The following SORT1 variants were observed in gnomAD, a reference collection of about 807,000 sequenced individuals.
The protein encoded by SORT1 is sortilin.
A neutral mutation model predicts 101.7 loss-of-function variants in SORT1; 39 were observed. The observed-to-expected ratio is 0.38, with a 90% CI of 0.30 to 0.50. The LOEUF is 0.50. SORT1 is among the 20% of genes least tolerant of loss of function. The pLI is 0.90. For synonymous variants in SORT1, 396 were observed against 393.7 expected, an observed-to-expected ratio of 1.01 and a Z score of -0.07; for missense variants, 878 against 1,040.4, an observed-to-expected ratio of 0.84 and a Z score of 2.15.
At chr1:109,346,686 A>G (rs1649620691) in intron 7 of SORT1, among the ~76,000 whole-genome samples, 1 of 141,128 alleles carries the variant, frequency 7.1e-6, no homozygotes, top group Non-Finnish European at 1.5e-5. Context: ...CGGAGCTTGC[A>G]GTGAGCGGAG....
intron 1 of SORT1, among the ~76,000 whole-genome samples, chr1:109,393,847 A>G (rs1026318066): frequency 7.3e-5 from 11 of 151,466 alleles, no homozygotes; most frequent in Non-Finnish European, 1.6e-4. Context: ...TTACATATGC[A>G]TATATTATGT....
At chr1:109,374,294 A>G (rs544146506) in intron 1 of SORT1, among the ~76,000 whole-genome samples, 1 of 152,046 alleles carries the variant, frequency 6.6e-6, no homozygotes, top group South Asian at 2.1e-4. Context: ...AAATTTTTTA[A>G]AGACCCAGTG....
chr1:109,333,127 C>T (rs1231342364), intron 11 of SORT1, among the ~76,000 whole-genome samples: 1 of 152,088 alleles, frequency 6.6e-6, no homozygotes, highest in East Asian at 1.9e-4. Context: ...GGGATTTCAC[C>T]ATGTTGGCCA....
At chr1:109,392,793 T>G (rs528154222) in intron 1 of SORT1, 174 of 984,064 alleles carry the variant, frequency 1.8e-4, no homozygotes, top group Non-Finnish European at 2.1e-4. Context: ...TGACTATACA[T>G]TGCATGAGAG....
chr1:109,391,363 C>T (rs1252994372), intron 1 of SORT1, among the ~76,000 whole-genome samples: 1 of 152,164 alleles, frequency 6.6e-6, no homozygotes, highest in Non-Finnish European at 1.5e-5. Flanking sequence ...AATTTGGAAT[C>T]AGCCAGGAAA....
rs1000059151 is a variant in SORT1 at position 109,313,680 on chromosome 1, A to C, written c.*363T>G. The C allele has an allele frequency of 5.7e-5, 16 of 279,314 alleles. No homozygotes were observed. The highest frequency in any genetic ancestry group is 1.1e-3 in the Middle Eastern group (1 of 874). 17.3% of individuals were successfully genotyped at this position (279,314 alleles called of 1,614,324 possible). ...CTGGAGTTGGCAGATGCCCTGGGGC[A>C]GGCGCCATGCAGAACACACAGAAGT... On this transcript the variant is annotated 3_prime_UTR_variant, in exon 20 of 20. Coordinates refer to ENST00000256637, the MANE Select transcript of SORT1 (RefSeq NM_002959.7).
intron 2 of SORT1, 40 bp downstream of exon 2, chr1:109,369,490 T>C (rs1208517361): frequency 7.6e-7 from 1 of 1,312,320 alleles, no homozygotes. Context: ...GTTATCATCT[T>C]CTTGCTGGGC....
At chr1:109,338,252 G>C (rs544587976) in intron 10 of SORT1, among the ~76,000 whole-genome samples, 2 of 152,250 alleles carry the variant, frequency 1.3e-5, no homozygotes, top group South Asian at 4.2e-4. Context: ...TCTAATCTGT[G>C]CATGTGCATG....
rs1292831312 is a variant in SORT1 at position 109,376,309 on chromosome 1, C to G, written c.307-6720G>C. ...TCGCGCCACCGCATTCCAGCCTGGG[C>G]AACAGAGGGAGACTCCATCTCAAAA... On this transcript the variant is annotated intron_variant, in intron 1 of 19. Transcript: ENST00000256637. Among the ~76,000 whole-genome samples, 11 of 113,550 alleles carry G rather than the reference C, an allele frequency of 9.7e-5. No homozygotes were observed. In the East Asian group the frequency reaches 2.8e-3, roughly 29 times the overall value. 74.5% of individuals were successfully genotyped at this position (113,550 alleles called of 152,430 possible). A position where few individuals can be genotyped will look rare whatever the true frequency, so the allele number is the denominator to read the frequency against.
intron 6 of SORT1, among the ~76,000 whole-genome samples, chr1:109,349,435 T>C (rs1256905350): frequency 6.6e-6 from 1 of 152,050 alleles, no homozygotes; most frequent in African/African-American, 2.4e-5. Context: ...AAATGTGGCA[T>C]GTGTAACAGA....
intron 10 of SORT1, 109 bp from the exon 11 acceptor site, chr1:109,336,455 G>T: frequency 1.4e-6 from 1 of 719,910 alleles, no homozygotes. Flanking sequence ...CCTGGAGTCC[G>T]ACAAGCTTGT....
intron 1 of SORT1, among the ~76,000 whole-genome samples, chr1:109,375,004 G>C (rs949480401): frequency 6.6e-6 from 1 of 152,168 alleles, no homozygotes; most frequent in Non-Finnish European, 1.5e-5. Context: ...CTGAACAGGA[G>C]ATTAGACACT....
rs369414975 is a variant in SORT1, at chr1:109,345,829, G to A, written c.885C>T (p.Ser295=). The A allele has an allele frequency of 1.8e-4, 293 of 1,613,290 alleles. No individual in the cohort carries two copies. Among genetic ancestry groups the A allele is most frequent in the Non-Finnish European group, 2.5e-4 (289 of 1,179,424 alleles). The change falls in exon 8 of 20, where the codon AGC becomes AGT. Residue 295 remains serine, a synonymous_variant. Coordinates refer to ENST00000256637, the MANE Select transcript of SORT1 (RefSeq NM_002959.7). ...ELWRTSDLGK[S]FKTIGVKIYS... ...AGATTTTCACACCAATAGTTTTGAA[G>A]CTTTTTCCCAAGTCTGAAGTTCTCC...
intron 13 of SORT1, chr1:109,326,735 C>CATGAGCCACT: frequency 3.6e-6 from 1 of 277,358 alleles, no homozygotes; most frequent in South Asian, 8.8e-5. Flanking sequence ...GGATTACAGG[C>CATGAGCCACT]ATGAGCCACT....
rs1239679752 is a variant in SORT1 at position 109,310,285 on chromosome 1, T to G, written c.*3758A>C. The G allele has an allele frequency of 6.5e-6, 1 of 153,212 alleles. No homozygotes were observed. Among genetic ancestry groups the G allele is most frequent in the Non-Finnish European group, 1.5e-5 (1 of 68,052 alleles). The allele number at this position is 153,212 out of a possible 1,614,324, so 9.5% of individuals were successfully genotyped here. ...TACTGCAAGTTGTTTCGAATTAATG[T>G]TCTGACTCTTGTTATTATAATGCAA... On this transcript the variant is annotated 3_prime_UTR_variant, in exon 20 of 20. Transcript: ENST00000256637.
At chr1:109,373,320 A>G (rs1223669679) in intron 1 of SORT1, among the ~76,000 whole-genome samples, 1 of 152,170 alleles carries the variant, frequency 6.6e-6, no homozygotes, top group Non-Finnish European at 1.5e-5. Flanking sequence ...AGAGGTTCAC[A>G]GGGCAGAAGA....
intron 17 of SORT1, among the ~76,000 whole-genome samples, chr1:109,316,610 A>G (rs1429328759): frequency 6.6e-6 from 1 of 152,208 alleles, no homozygotes; most frequent in Non-Finnish European, 1.5e-5. Flanking sequence ...AGAATTTTAC[A>G]ACTTTACAGA....
At chr1:109,376,190 CGT>C (rs1397332251) in intron 1 of SORT1, among the ~76,000 whole-genome samples, 2 of 151,806 alleles carry the variant, frequency 1.3e-5, no homozygotes. Flanking sequence ...ATTAGCCGGG[CGT>C]GGCGGCGGGC....
intron 19 of SORT1, 27 bp from the exon 20 acceptor site, chr1:109,314,084 G>C: frequency 6.2e-7 from 1 of 1,613,790 alleles, no homozygotes; most frequent in East Asian, 2.2e-5. Flanking sequence ...CCATATTACC[G>C]ACAGACCACA....
Sources: allele counts gnomAD v4.1 joint callset (sites outside exome capture counted in the v4.1 genomes callset), GRCh38; gene constraint gnomAD v4.1.1; transcripts MANE v1.5; gene names NCBI Gene and HGNC (gene_info 2026-07-23, HGNC 2026-07-21).